ETFB: variants seen among roughly 807,000 people sequenced by gnomAD.
The protein encoded by ETFB is electron transfer flavoprotein subunit beta, also known as beta-ETF.
In ETFB, 20 loss-of-function variants were observed where a neutral mutation model predicts 25.6. That is an observed-to-expected ratio of 0.78 (90% CI 0.55 to 1.14). The LOEUF (loss-of-function observed/expected upper bound fraction) is 1.14, where lower values mean the gene tolerates loss of function less well. Among genes scored for constraint, ETFB ranks in the 50% most tolerant of loss-of-function variants. ETFB has a pLI of 0.00. For missense variants in ETFB, 286 were observed against 342.6 expected, an observed-to-expected ratio of 0.83 and a Z score of 1.30; for synonymous variants, 142 against 146.7, an observed-to-expected ratio of 0.97 and a Z score of 0.23.
At chr19:51,355,161 C>G (rs1287108597) in intron 1 of ETFB, 1 of 156,770 alleles carries the variant, frequency 6.4e-6, no homozygotes, top group Non-Finnish European at 1.4e-5. Flanking sequence ...AGGCAACCTA[C>G]AGAATGGGAG....
In ETFB at chr19:51,346,914, G is replaced by A; in HGVS notation, c.583C>T (p.Leu195=). ...LRLNEPRYAT[L]PNIMKAKKKK... is the part of the protein sequence containing the mutation. ...CAGGGGCTCACCATGATGTTGGGCAGCGTGGCGTAGCGGGGCTCGTTGAGC... is the reference window on the plus strand; with the variant it reads ...CAGGGGCTCACCATGATGTTGGGCAACGTGGCGTAGCGGGGCTCGTTGAGC... Residue 195 remains leucine (L), a synonymous_variant, in exon 5 of 6, where the codon CTG becomes TTG. Transcript: ENST00000309244. 6.4e-7 allele frequency: 1 copy of A among 1,555,794 alleles called. No homozygotes were observed. The highest frequency in any genetic ancestry group is 8.7e-7 in the Non-Finnish European group (1 of 1,149,640).
intron 3 of ETFB, among the ~76,000 whole-genome samples, chr19:51,351,841 C>T (rs1985940118): frequency 1.3e-5 from 2 of 152,208 alleles, no homozygotes; most frequent in South Asian, 4.1e-4. Context: ...CCGGGGGCCC[C>T]AGCTCTACCT....
chr19:51,364,574 G>A (rs1237715518), intron 1 of ETFB, among the ~76,000 whole-genome samples: 11 of 152,322 alleles, frequency 7.2e-5, no homozygotes, highest in Non-Finnish European at 1.2e-4. Flanking sequence ...CATGCCAGGC[G>A]TGGAAGGCCA....
intron 1 of ETFB, among the ~76,000 whole-genome samples, chr19:51,358,492 AAACAAC>A (rs202209299): frequency 0.034 from 5,235 of 152,024 alleles, 97 homozygotes; most frequent in Non-Finnish European, 0.04. Context: ...CAGGTTCTAC[AAACAAC>A]AACAACAAAA....
At chr19:51,359,453 CTG>C (rs1986166178) in intron 1 of ETFB, among the ~76,000 whole-genome samples, 1 of 151,946 alleles carries the variant, frequency 6.6e-6, no homozygotes, top group Admixed American at 6.6e-5. Context: ...AAGCTTCTTG[CTG>C]TGAGTCAGGG....
chr19:51,362,182 C>CAT (rs1986249389), intron 1 of ETFB, among the ~76,000 whole-genome samples: 2 of 145,760 alleles, frequency 1.4e-5, no homozygotes, highest in Non-Finnish European at 2.9e-5. Flanking sequence ...CACACACACA[C>CAT]ACACACACAC....
At chr19:51,360,907 T>A (rs1986207218) in intron 1 of ETFB, among the ~76,000 whole-genome samples, 1 of 152,050 alleles carries the variant, frequency 6.6e-6, no homozygotes, top group African/African-American at 2.4e-5. Context: ...TGCCTCAGCC[T>A]CCCCAGTAGC....
Position 51,357,486 on chromosome 19 carries a change from C to CTTTTTTTTT in ETFB, c.58-3179_58-3178insAAAAAAAAA, listed in dbSNP as rs199903123. Among the ~76,000 whole-genome samples the CTTTTTTTTT allele has an allele frequency of 4.0e-5, 4 of 100,784 alleles. 1 individual carries two copies. The highest frequency in any genetic ancestry group is 3.9e-5 in the African/African-American group (1 of 25,564). The allele number at this position is 100,784 out of a possible 152,430, so 66.1% of individuals were successfully genotyped here. ...GCCCACCACAATCCTTTTTTTCTTTCTTTCTTTTTTTTTTTTTTTTTGAGA... is the reference window on the plus strand; with the variant it reads ...GCCCACCACAATCCTTTTTTTCTTTCTTTTTTTTTTTTCTTTTTTTTTTTTTTTTTGAGA... On this transcript the variant is annotated intron_variant, in intron 1 of 5. Transcript: ENST00000309244.
rs182465029 is a variant in ETFB, at chr19:51,358,885, G to C, written c.58-4577C>G. ...ATGGTGGCACACACCTGTAGTCCCAGCTACTCAGGAGGCTGAGGCGGGAGG... is the reference window on the plus strand; with the variant it reads ...ATGGTGGCACACACCTGTAGTCCCACCTACTCAGGAGGCTGAGGCGGGAGG... On this transcript the variant is annotated intron_variant, in intron 1 of 5. Coordinates refer to ENST00000309244, the MANE Select transcript of ETFB (RefSeq NM_001985.3). Among the ~76,000 whole-genome samples the C allele has an allele frequency of 8.1e-3, 1,227 of 151,652 alleles. 17 individuals are homozygous for C. The highest frequency in any genetic ancestry group is 0.028 in the African/African-American group (1,175 of 41,346).
intron 1 of ETFB, among the ~76,000 whole-genome samples, chr19:51,364,376 G>A (rs915285146): frequency 7.2e-5 from 11 of 152,162 alleles, no homozygotes; most frequent in East Asian, 3.9e-4. Flanking sequence ...GGGGCACTGC[G>A]GGAGGGGAAG....
Position 51,354,284 on chromosome 19 carries a change from CG to C in ETFB, c.81del (p.Gly28ValfsTer7), listed in dbSNP as rs1986016566. The C allele has an allele frequency of 1.2e-6, 2 of 1,614,144 alleles. No individual in the cohort carries two copies. Among genetic ancestry groups the C allele is most frequent in the East Asian group, 4.5e-5 (2 of 44,876 alleles). On this transcript the variant is annotated frameshift_variant, in exon 2 of 6. Coordinates refer to ENST00000309244, the MANE Select transcript of ETFB (RefSeq NM_001985.3). LOFTEE classifies it high-confidence loss of function. ...TGCTTCACACCATCCGTGACCACAC[CG>C]GTCCTGTCAGGCTTCACTCGGATCT... is the stretch of plus-strand genomic sequence containing the variant. ...AVKIRVKPDR[T>X]GVVTDGVKHS... is the part of the protein sequence containing the mutation.
chr19:51,353,003 C>T (rs1053983995), intron 3 of ETFB, 129 bp downstream of exon 3: 13 of 1,147,650 alleles, frequency 1.1e-5, no homozygotes, highest in African/African-American at 4.5e-5. Flanking sequence ...TCAGCAAAGT[C>T]CCAAGCTGCT....
chr19:51,363,858 G>T (rs1302387167), intron 1 of ETFB, among the ~76,000 whole-genome samples: 1 of 152,162 alleles, frequency 6.6e-6, no homozygotes. Flanking sequence ...CGGGCAAGCC[G>T]CGGCCTGGTC....
In ETFB at chr19:51,362,162, TACACACACAC is replaced by T. The variant is rs59581815; in HGVS notation, c.57+4098_57+4107del. ...AAACATACACACAGCCGGACACACA[TACACACACAC>T]ACACACACACACACACACACACACA... On this transcript the variant is annotated intron_variant, in intron 1 of 5. Transcript: ENST00000309244. 7.1e-3 allele frequency among the ~76,000 whole-genome samples: 1,029 copies of T among 144,292 alleles called. 4 individuals carry two copies. The highest frequency in any genetic ancestry group is 0.015 in the South Asian group (64 of 4,292). 94.7% of individuals were successfully genotyped at this position (144,292 alleles called of 152,430 possible).
chr19:51,358,260 C>T lies in ETFB; in HGVS notation c.58-3952G>A, dbSNP rs1986130514. On this transcript the variant is annotated intron_variant, in intron 1 of 5. Transcript: ENST00000309244. ...TTTCCCTGCCCCTTTTTCTCTGGGGCTGTGGGTGTAACTGTTCCTCCCACA... is the reference window on the plus strand; with the variant it reads ...TTTCCCTGCCCCTTTTTCTCTGGGGTTGTGGGTGTAACTGTTCCTCCCACA... 3.9e-5 allele frequency among the ~76,000 whole-genome samples: 6 copies of T among 152,148 alleles called. No individual in the cohort carries two copies. The South Asian group carries it at 1.2e-3, about 32-fold the overall frequency.
chr19:51,365,126 T>G (rs10853832), intron 1 of ETFB: 73,535 of 151,978 alleles, frequency 0.48, 18,245 homozygotes, highest in Non-Finnish European at 0.52. Flanking sequence ...CTCGGGAGGC[T>G]GAGGTTGCAG....
chr19:51,348,039 C>G (rs1263238289), intron 4 of ETFB: 1 of 152,248 alleles, frequency 6.6e-6, no homozygotes, highest in African/African-American at 2.4e-5. Context: ...AATGTGTTGT[C>G]CCATCCAGTA....
chr19:51,358,491 CA>C lies in ETFB; in HGVS notation c.58-4184del, dbSNP rs373073553. ...ATACTAGCCTGGGCAACAGGTTCTA[CA>C]AACAACAACAACAAAAACAAAAACA... On this transcript the variant is annotated intron_variant, in intron 1 of 5. Coordinates refer to ENST00000309244, the MANE Select transcript of ETFB (RefSeq NM_001985.3). Among the ~76,000 whole-genome samples the C allele has an allele frequency of 3.8e-4, 58 of 151,490 alleles. 1 individual carries two copies. The highest frequency in any genetic ancestry group is 1.1e-3 in the African/African-American group (47 of 41,348).
chr19:51,350,712 T>G (rs2123581278), intron 3 of ETFB, among the ~76,000 whole-genome samples: 1 of 152,190 alleles, frequency 6.6e-6, no homozygotes, highest in East Asian at 1.9e-4. Context: ...CTTGAACTGC[T>G]GACCTCAGAT....
Sources: gnomAD v4.1 joint callset for allele counts (sites outside exome capture counted in the v4.1 genomes callset) on GRCh38, gnomAD v4.1.1 for gene constraint, MANE v1.5 for transcripts, NCBI Gene and HGNC (gene_info 2026-07-23, HGNC 2026-07-21) for gene names.